UBE3C: variants seen among roughly 807,000 people sequenced by gnomAD.
The protein encoded by UBE3C is ubiquitin protein ligase E3C, also known as ubiquitin-protein ligase E3C.
Under a neutral mutation model 129.4 loss-of-function variants are expected in UBE3C, and 42 were observed. That is an observed-to-expected ratio of 0.32 (90% confidence interval 0.25 to 0.42). The LOEUF is 0.42. UBE3C is among the 10% of genes least tolerant of loss of function. The probability of loss-of-function intolerance (pLI) is 1.00; values close to 1 mark genes in which losing one functional copy is unlikely to be tolerated. For synonymous variants in UBE3C, 510 were observed against 492.4 expected (o/e 1.04, Z -0.47); for missense variants, 1,049 against 1,319.1 (o/e 0.80, Z 3.17).
At chr7:157,168,911 G>T in intron 2 of UBE3C, 137 bp from the exon 3 acceptor site, 1 of 627,376 alleles carries the variant, frequency 1.6e-6, no homozygotes. Flanking sequence ...ATATTTAGTG[G>T]GTGTTACCTT....
chr7:157,197,868 A>G, intron 10 of UBE3C: 1 of 1,606,644 alleles, frequency 6.2e-7, no homozygotes, highest in Admixed American at 1.7e-5. Context: ...CGCGTTAAGT[A>G]TTGATTTATC....
intron 5 of UBE3C, among the ~76,000 whole-genome samples, chr7:157,177,717 C>G (rs1270432932): frequency 1.3e-5 from 2 of 152,178 alleles, no homozygotes; most frequent in Non-Finnish European, 2.9e-5. Flanking sequence ...TCCTCACCCC[C>G]TGTCTCTCCT....
In UBE3C at chr7:157,153,525, T is replaced by G. The variant is rs1807816682; in HGVS notation, c.67-10285T>G. Among the ~76,000 whole-genome samples, 5 of 152,234 alleles carry G rather than the reference T, an allele frequency of 3.3e-5. No individual in the cohort carries two copies. In the South Asian group the frequency reaches 1.0e-3, roughly 32 times the overall value. On this transcript the variant is annotated intron_variant, in intron 1 of 22. Transcript: ENST00000348165. ...TGCCCAGGCTGGTCTTGAACCGAGC[T>G]CAATTGATCCTCCCACCTTGGCTTC...
At position 157,172,035 on chromosome 7, in the gene UBE3C, T is replaced by C. The variant is rs542389262; in HGVS notation, c.342+1585T>C. Among the ~76,000 whole-genome samples, 6 of 150,414 alleles carry C rather than the reference T, an allele frequency of 4.0e-5. No individual in the cohort carries two copies. The East Asian group carries it at 1.2e-3, about 29-fold the overall frequency. On this transcript the variant is annotated intron_variant, in intron 4 of 22. Coordinates refer to ENST00000348165, the MANE Select transcript of UBE3C (RefSeq NM_014671.3). ...TTAAATATGCTATTTATCTTTTTTT[T>C]TTTTCCTTTTTGAGACGGAGTCTTG...
intron 4 of UBE3C, among the ~76,000 whole-genome samples, chr7:157,172,072 G>A (rs530677392): frequency 1.4e-5 from 2 of 147,574 alleles, no homozygotes; most frequent in South Asian, 2.2e-4. Context: ...TCACTCTGTC[G>A]CCCAGGCTGG....
chr7:157,229,536 C>A (rs1795966222), intron 17 of UBE3C, among the ~76,000 whole-genome samples: 1 of 152,192 alleles, frequency 6.6e-6, no homozygotes, highest in South Asian at 2.1e-4. Context: ...AGGCTGGTCT[C>A]AAACTCCTGC....
chr7:157,262,526 C>A (rs1204697658), intron 22 of UBE3C, among the ~76,000 whole-genome samples: 1 of 139,692 alleles, frequency 7.2e-6, no homozygotes. Flanking sequence ...TCAAGTGATT[C>A]TCCTGCCGCA....
chr7:157,184,110 TTCAGTTACACAAG>T (rs1287778509), intron 9 of UBE3C, 81 bp downstream of exon 9: 7 of 1,554,554 alleles, frequency 4.5e-6, no homozygotes, highest in Non-Finnish European at 6.1e-6. Flanking sequence ...CACCCGTAGT[TTCAGTTACACAAG>T]TCAGACCCTC....
intron 1 of UBE3C, among the ~76,000 whole-genome samples, chr7:157,160,908 G>A (rs895119754): frequency 5.3e-5 from 8 of 152,124 alleles, no homozygotes; most frequent in Admixed American, 1.3e-4. Flanking sequence ...GCGTGTTTGT[G>A]CGTATAATCC....
chr7:157,242,641 C>T lies in UBE3C; in HGVS notation c.2482-5727C>T, dbSNP rs558530763. On this transcript the variant is annotated intron_variant, in intron 18 of 22. Transcript: ENST00000348165. ...TGGGAATATGGGTTTGCTACTTTAGCGAACTTCCTTGTTCATGAAGATGTT... is the reference window on the plus strand; with the variant it reads ...TGGGAATATGGGTTTGCTACTTTAGTGAACTTCCTTGTTCATGAAGATGTT... Among the ~76,000 whole-genome samples, 16 of 150,894 alleles carry T rather than the reference C, an allele frequency of 1.1e-4. No homozygotes were observed. In the South Asian group the frequency reaches 2.5e-3, roughly 24 times the overall value.
intron 13 of UBE3C, among the ~76,000 whole-genome samples, chr7:157,214,009 T>A (rs1415237146): frequency 6.6e-6 from 1 of 152,210 alleles, no homozygotes; most frequent in African/African-American, 2.4e-5. Flanking sequence ...AAACCATCCA[T>A]TACCACAGTG....
At chr7:157,226,984 A>G (rs1429909704) in intron 17 of UBE3C, among the ~76,000 whole-genome samples, 1 of 152,226 alleles carries the variant, frequency 6.6e-6, no homozygotes, top group African/African-American at 2.4e-5. Context: ...TTATAAATCA[A>G]TTCTAATAGT....
intron 11 of UBE3C, 135 bp from the exon 12 acceptor site, chr7:157,207,263 C>A: frequency 8.0e-7 from 1 of 1,254,842 alleles, no homozygotes; most frequent in Non-Finnish European, 1.1e-6. Flanking sequence ...CTTTACCTTG[C>A]CTTTAAATAG....
At position 157,267,998 on chromosome 7, in the gene UBE3C, T is replaced by C. The variant is rs1460397141; in HGVS notation, c.*243T>C. 2.8e-6 allele frequency: 1 copy of C among 360,848 alleles called. No individual in the cohort carries two copies. The highest frequency in any genetic ancestry group is 2.1e-5 in the African/African-American group (1 of 46,772). 22.4% of individuals were successfully genotyped at this position (360,848 alleles called of 1,614,324 possible). On this transcript the variant is annotated 3_prime_UTR_variant, in exon 23 of 23. Coordinates refer to ENST00000348165, the MANE Select transcript of UBE3C (RefSeq NM_014671.3). ...CACGTTATGTGCCATGTGGCTACTT[T>C]AGTAATATTGCCAAGAAGAGCACAG...
Position 157,169,115 on chromosome 7 carries a change from A to T in UBE3C, c.188A>T (p.Lys63Ile). 1 of 1,613,232 alleles carries T rather than the reference A, an allele frequency of 6.2e-7. No individual in the cohort carries two copies. ...TTTATTCGAGGCTATAGAGACAGAA[A>T]ACAGCAAGTAAGTTTGTTTTAAAAT... ...QSFIRGYRDR[K>I]QQYSIQRSAF... The change falls in exon 3 of 23, where the codon AAA (lysine) becomes ATA (isoleucine). Residue 63 changes from lysine (K) to isoleucine (I), a missense_variant. This residue lies in a region of UBE3C where 489 missense variants were observed against 513.8 expected (regional missense o/e 0.95). Transcript: ENST00000348165.
chr7:157,164,278 C>G, intron 2 of UBE3C: 2 of 449,618 alleles, frequency 4.4e-6, no homozygotes, highest in Non-Finnish European at 8.9e-6. Context: ...CCTGCTCTAG[C>G]CTCCTGTAGC....
intron 10 of UBE3C, among the ~76,000 whole-genome samples, chr7:157,195,956 C>A (rs937701405): frequency 5.3e-5 from 8 of 152,084 alleles, no homozygotes; most frequent in African/African-American, 1.9e-4. Context: ...CTGTATGTAA[C>A]CTTAAATGGT....
Position 157,268,820 on chromosome 7 carries a change from C to A in UBE3C, c.*1065C>A, listed in dbSNP as rs1420764547. 1.3e-5 allele frequency: 2 copies of A among 152,664 alleles called. No individual in the cohort carries two copies. The highest frequency in any genetic ancestry group is 2.9e-5 in the Non-Finnish European group (2 of 68,054). 9.5% of individuals were successfully genotyped at this position (152,664 alleles called of 1,614,324 possible). Reference sequence around the variant, plus strand: ...CAGTAGGCACTTTATCAGGACCTGACCTGTTGCTGGGTGATTTTAGTCTCT... The same window carrying A: ...CAGTAGGCACTTTATCAGGACCTGAACTGTTGCTGGGTGATTTTAGTCTCT... On this transcript the variant is annotated 3_prime_UTR_variant, in exon 23 of 23. Transcript: ENST00000348165.
At chr7:157,168,919 C>T in intron 2 of UBE3C, 129 bp from the exon 3 acceptor site, 1 of 680,008 alleles carries the variant, frequency 1.5e-6, no homozygotes. Context: ...TGGGTGTTAC[C>T]TTTTAAAGAA....
Sources: gnomAD v4.1 joint callset for allele counts (sites outside exome capture counted in the v4.1 genomes callset) on GRCh38, gnomAD v4.1.1 for gene constraint, gnomAD v4.1.1 regional missense constraint, MANE v1.5 for transcripts, NCBI Gene and HGNC (gene_info 2026-07-23, HGNC 2026-07-21) for gene names.